USP1: variants seen among roughly 807,000 people sequenced by gnomAD.
USP1 encodes the protein ubiquitin carboxyl-terminal hydrolase 1.
Under a neutral mutation model 72.2 loss-of-function variants are expected in USP1, and 18 were observed. That is an observed-to-expected ratio of 0.25 (90% CI 0.17 to 0.37). The LOEUF is 0.37. Among genes scored for constraint, USP1 ranks in the 10% least tolerant of loss-of-function variants. The pLI, the probability that USP1 is intolerant of heterozygous loss-of-function variation, is 1.00. For synonymous variants in USP1, 354 were observed against 303.7 expected (o/e 1.17, Z -1.72); for missense variants, 759 against 884.9 (o/e 0.86, Z 1.81).
chr1:62,448,805 C>G, intron 8 of USP1, 139 bp downstream of exon 8: 2 of 846,764 alleles, frequency 2.4e-6, no homozygotes, highest in Non-Finnish European at 3.6e-6. Flanking sequence ...AAGTTTTGTT[C>G]TTATTAACAG....
chr1:62,439,822 C>T lies in USP1; in HGVS notation c.-46C>T, dbSNP rs746552995. On this transcript the variant is annotated 5_prime_UTR_variant, in exon 2 of 9. Coordinates refer to ENST00000339950, the MANE Select transcript of USP1 (RefSeq NM_003368.5). ...AGATATAATTGGTGATTACAACTTT[C>T]CTCTATAAATTAACTCTTGACACTC... 2.3e-6 allele frequency: 3 copies of T among 1,327,956 alleles called. No individual in the cohort carries two copies. The highest frequency in any genetic ancestry group is 2.9e-6 in the Non-Finnish European group (3 of 1,027,358). The allele number at this position is 1,327,956 out of a possible 1,614,324, so 82.3% of individuals were successfully genotyped here.
At chr1:62,442,382 TGGG>T in intron 4 of USP1, 83 bp downstream of exon 4, 2 of 940,516 alleles carry the variant, frequency 2.1e-6, no homozygotes, top group Non-Finnish European at 3.1e-6. Flanking sequence ...TGAAGAGGAC[TGGG>T]GGGGTGGATG....
Position 62,448,632 on chromosome 1 carries a change from A to G in USP1, c.1588A>G (p.Ile530Val). Residue 530 changes from isoleucine to valine, a missense_variant, in exon 8 of 9, where the codon ATT (isoleucine) becomes GTT (valine). Physicochemically the swap from Ile to Val is conservative, Grantham distance 29. Around this residue, in one of 9 missense-constraint regions of USP1, gnomAD observed 140 missense variants for 222.8 expected, o/e 0.63. Coordinates refer to ENST00000339950, the MANE Select transcript of USP1 (RefSeq NM_003368.5). ...LFDKMPEVIT[I>V]HLKCFAASGL... Reference sequence around the variant, plus strand: ...TGACAAAATGCCTGAAGTTATAACTATTCATTTGAAGTGCTTTGCTGCTAG... The same window carrying G: ...TGACAAAATGCCTGAAGTTATAACTGTTCATTTGAAGTGCTTTGCTGCTAG... 1 of 1,613,396 alleles carries G rather than the reference A, an allele frequency of 6.2e-7. No individual in the cohort carries two copies. Among genetic ancestry groups the G allele is most frequent in the East Asian group, 2.2e-5 (1 of 44,796 alleles).
intron 6 of USP1, among the ~76,000 whole-genome samples, chr1:62,446,487 G>A (rs1450741420): frequency 2.6e-5 from 4 of 152,260 alleles, no homozygotes; most frequent in African/African-American, 9.6e-5. Context: ...GTAGGCAACT[G>A]TAGCACAATG....
rs775286688 is a variant in USP1 at position 62,450,651 on chromosome 1, A to G, written c.2028A>G (p.Ala676=). ...IGLLGGQKSK[A]DYELYNKASN... ...TTCTTGGAGGACAAAAGAGCAAAGC[A>G]GATTATGAGCTATACAACAAAGCCT... Residue 676 remains alanine (A), a synonymous_variant, in exon 9 of 9, where the codon GCA becomes GCG. Coordinates refer to ENST00000339950, the MANE Select transcript of USP1 (RefSeq NM_003368.5). 1.2e-6 allele frequency: 2 copies of G among 1,614,166 alleles called. No individual in the cohort carries two copies.
At chr1:62,449,166 G>C (rs924219892) in intron 8 of USP1, among the ~76,000 whole-genome samples, 2 of 152,154 alleles carry the variant, frequency 1.3e-5, no homozygotes, top group African/African-American at 4.8e-5. Context: ...TTACAGGCGT[G>C]AGCCACCATG....
At chr1:62,441,760 A>G in intron 3 of USP1, 152 bp downstream of exon 3, 2 of 1,010,344 alleles carry the variant, frequency 2.0e-6, no homozygotes, top group Non-Finnish European at 2.7e-6. Context: ...AATAAGTTAC[A>G]TGTTATTAAA....
intron 7 of USP1, among the ~76,000 whole-genome samples, 164 bp from the exon 8 acceptor site, chr1:62,448,301 G>C (rs1477900823): frequency 6.6e-6 from 1 of 152,180 alleles, no homozygotes; most frequent in Non-Finnish European, 1.5e-5. Flanking sequence ...GTATACTGTT[G>C]AGGATGCACT....
intron 6 of USP1, among the ~76,000 whole-genome samples, 185 bp downstream of exon 6, chr1:62,445,614 T>G (rs1645166445): frequency 7.1e-6 from 1 of 139,914 alleles, no homozygotes; most frequent in East Asian, 2.0e-4. Context: ...TGTGTATATA[T>G]TGTATGCATA....
intron 1 of USP1, among the ~76,000 whole-genome samples, chr1:62,439,442 C>T (rs1033072575): frequency 1.3e-5 from 2 of 152,196 alleles, no homozygotes; most frequent in Non-Finnish European, 1.5e-5. Flanking sequence ...TTCGGCCTCC[C>T]AAAGTGCTGG....
chr1:62,449,987 A>C (rs1302435328), intron 8 of USP1, among the ~76,000 whole-genome samples: 6 of 152,172 alleles, frequency 3.9e-5, no homozygotes, highest in African/African-American at 1.4e-4. Context: ...TAACTGCACA[A>C]AATTAGGAAA....
chr1:62,445,107 T>A lies in USP1; in HGVS notation c.927T>A (p.Asp309Glu), dbSNP rs767163535. Residue 309 changes from aspartate to glutamate, a missense_variant, in exon 6 of 9, where the codon GAT (aspartate) becomes GAA (glutamate). Asp to Glu is a conservative substitution (Grantham distance 45). This residue lies in a region of USP1 where 245 missense variants were observed against 240.7 expected (regional missense o/e 1.02). Transcript: ENST00000339950. ...GATCAAAAAGAAAAGCTACAAGTGA[T>A]ACATTAGAGAGTCCTCCTAAAATAA... The part of the protein sequence containing the change: ...QTRSKRKATS[D>E]TLESPPKIIP... The A allele has an allele frequency of 2.5e-6, 4 of 1,613,210 alleles. No individual in the cohort carries two copies. In the Admixed American group the frequency reaches 6.7e-5, roughly 27 times the overall value.
intron 2 of USP1, among the ~76,000 whole-genome samples, chr1:62,440,893 C>G (rs1047084906): frequency 6.6e-6 from 1 of 151,982 alleles, no homozygotes; most frequent in Admixed American, 6.6e-5. Flanking sequence ...CCTTGTGTTG[C>G]CCAGGCTGGT....
chr1:62,438,355 C>T (rs1034390473), intron 1 of USP1, among the ~76,000 whole-genome samples: 1 of 152,012 alleles, frequency 6.6e-6, no homozygotes, highest in African/African-American at 2.4e-5. Context: ...GACAGCGCTT[C>T]CTCAGAAGCA....
chr1:62,443,335 T>C lies in USP1; in HGVS notation c.557+16T>C, dbSNP rs1014730023. 6.0e-5 allele frequency: 95 copies of C among 1,576,634 alleles called. No individual in the cohort carries two copies. Among genetic ancestry groups the C allele is most frequent in the Non-Finnish European group, 8.0e-5 (93 of 1,167,514 alleles). On this transcript the variant is annotated intron_variant, in intron 5 of 8. Transcript: ENST00000339950. ...ACACACTGAGGTATAGCCTATAATA[T>C]AATTTTAGGGTTTCAATTTAGCTAC...
chr1:62,445,255 G>C lies in USP1; in HGVS notation c.1075G>C (p.Gly359Arg). 1 of 1,612,488 alleles carries C rather than the reference G, an allele frequency of 6.2e-7. No individual in the cohort carries two copies. Among genetic ancestry groups the C allele is most frequent in the Non-Finnish European group, 8.5e-7 (1 of 1,179,562 alleles). Residue 359 changes from glycine to arginine, a missense_variant, in exon 6 of 9, where the codon GGA becomes CGA. Coordinates refer to ENST00000339950, the MANE Select transcript of USP1 (RefSeq NM_003368.5). ...PSILSKFCSL[G>R]KITTNQGVKG... is the part of the protein sequence containing the mutation. The stretch of plus-strand genomic sequence containing the variant: ...CATTCTTTCTAAATTTTGTAGTCTG[G>C]GAAAAATAACAACAAACCAAGGAGT...
At chr1:62,441,011 A>ATTT (rs397737121) in intron 2 of USP1, among the ~76,000 whole-genome samples, 1 of 145,712 alleles carries the variant, frequency 6.9e-6, no homozygotes, top group Non-Finnish European at 1.5e-5. Context: ...ATAGCTACAT[A>ATTT]TTTTTTTTTT....
rs376580143 is a variant in USP1 at position 62,441,390 on chromosome 1, T to C, written c.171-98T>C. The C allele has an allele frequency of 3.4e-4, 455 of 1,340,286 alleles. 3 individuals carry two copies. The African/African-American group carries it at 5.0e-3, about 15-fold the overall frequency. The allele number at this position is 1,340,286 out of a possible 1,614,324, so 83.0% of individuals were successfully genotyped here. ...AACAAGATTCACATACTTTTCAGAT[T>C]ATACAACTTTTGGGAAAAGACTAAA... is the stretch of plus-strand genomic sequence containing the variant. On this transcript the variant is annotated intron_variant, in intron 2 of 8. Transcript: ENST00000339950.
chr1:62,437,163 A>G lies in USP1; in HGVS notation c.-307A>G, dbSNP rs1645094318. ...CCTGGCTCTCCCGGGGCGGGCGCAG[A>G]TGGGCGCCGCTCCCGGGATGTAGTT... On this transcript the variant is annotated 5_prime_UTR_variant, in exon 1 of 9. The change abolishes an upstream ATG in the 5' untranslated region. Coordinates refer to ENST00000339950, the MANE Select transcript of USP1 (RefSeq NM_003368.5). The G allele has an allele frequency of 5.0e-6, 2 of 398,890 alleles. No homozygotes were observed. Among genetic ancestry groups the G allele is most frequent in the Admixed American group, 8.8e-5 (2 of 22,728 alleles). The allele number at this position is 398,890 out of a possible 1,614,324, so 24.7% of individuals were successfully genotyped here.
Sources: gnomAD v4.1 joint callset for allele counts (sites outside exome capture counted in the v4.1 genomes callset) on GRCh38, gnomAD v4.1.1 for gene constraint, gnomAD v4.1.1 regional missense constraint, MANE v1.5 for transcripts, NCBI Gene and HGNC (gene_info 2026-07-23, HGNC 2026-07-21) for gene names.